PDSS2: variants seen among roughly 807,000 people sequenced by gnomAD.
The protein encoded by PDSS2 is all trans-polyprenyl-diphosphate synthase PDSS2.
A neutral mutation model predicts 44.5 loss-of-function variants in PDSS2; 31 were observed. That is an observed-to-expected ratio of 0.70 (90% CI 0.52 to 0.94). The LOEUF (loss-of-function observed/expected upper bound fraction) is 0.94. PDSS2 is among the 40% of genes least tolerant of loss of function. PDSS2 has a pLI of 0.00. For synonymous variants in PDSS2, 157 were observed against 180.3 expected, an observed-to-expected ratio of 0.87 and a Z score of 1.03; for missense variants, 452 against 482.2, an observed-to-expected ratio of 0.94 and a Z score of 0.59.
chr6:107,172,765 C>CAT (rs1771624773), intron 7 of PDSS2, among the ~76,000 whole-genome samples: 1 of 151,302 alleles, frequency 6.6e-6, no homozygotes, highest in African/African-American at 2.4e-5. Flanking sequence ...CACACACACA[C>CAT]ACATTCTTTT....
intron 3 of PDSS2, among the ~76,000 whole-genome samples, chr6:107,248,418 G>C (rs1418720477): frequency 7.0e-6 from 1 of 142,754 alleles, no homozygotes; most frequent in Admixed American, 7.6e-5. Context: ...CATGGGGCAA[G>C]CAAACACTTT....
intron 3 of PDSS2, among the ~76,000 whole-genome samples, chr6:107,246,565 T>A (rs1446328314): frequency 3.3e-5 from 5 of 152,228 alleles, no homozygotes; most frequent in Non-Finnish European, 7.3e-5. Context: ...TCAGCTTTTA[T>A]CATTCTTGTA....
intron 1 of PDSS2, among the ~76,000 whole-genome samples, chr6:107,447,382 C>T (rs1197586735): frequency 1.3e-5 from 2 of 152,128 alleles, no homozygotes; most frequent in African/African-American, 4.8e-5. Flanking sequence ...ACTACCTAGA[C>T]ACATCTCTCT....
intron 7 of PDSS2, among the ~76,000 whole-genome samples, chr6:107,184,118 T>C (rs758189657): frequency 6.6e-6 from 1 of 152,092 alleles, no homozygotes; most frequent in Non-Finnish European, 1.5e-5. Context: ...AAAGAGCTAA[T>C]GTAAAGTCCC....
chr6:107,360,076 A>T (rs575840326), intron 1 of PDSS2, among the ~76,000 whole-genome samples: 1 of 152,208 alleles, frequency 6.6e-6, no homozygotes, highest in Non-Finnish European at 1.5e-5. Context: ...TGTTCTTGGT[A>T]TATAAATTTT....
chr6:107,271,063 G>A (rs1775582779), intron 3 of PDSS2, among the ~76,000 whole-genome samples: 1 of 152,152 alleles, frequency 6.6e-6, no homozygotes, highest in Non-Finnish European at 1.5e-5. Context: ...TATAAGTTAT[G>A]TTGCAGAGTC....
intron 1 of PDSS2, among the ~76,000 whole-genome samples, chr6:107,421,866 C>T (rs1780835328): frequency 6.7e-6 from 1 of 149,352 alleles, no homozygotes; most frequent in Non-Finnish European, 1.5e-5. Flanking sequence ...GAGTGAAAGC[C>T]AAATAAGGTT....
intron 2 of PDSS2, among the ~76,000 whole-genome samples, chr6:107,318,190 G>A (rs1429291236): frequency 1.3e-5 from 2 of 152,006 alleles, no homozygotes; most frequent in Admixed American, 6.6e-5. Context: ...AAACAGGTGG[G>A]GAGGTTATCA....
chr6:107,293,064 T>C (rs1776398033), intron 2 of PDSS2, among the ~76,000 whole-genome samples: 1 of 152,178 alleles, frequency 6.6e-6, no homozygotes, highest in Non-Finnish European at 1.5e-5. Context: ...ACAGACTTGC[T>C]CTGGGCAGAC....
At chr6:107,441,746 AAC>A (rs1230087901) in intron 1 of PDSS2, among the ~76,000 whole-genome samples, 1 of 152,178 alleles carries the variant, frequency 6.6e-6, no homozygotes, top group Non-Finnish European at 1.5e-5. Context: ...TTTGGCCTGT[AAC>A]ACATTTCACT....
chr6:107,381,029 C>T (rs938993934), intron 1 of PDSS2, among the ~76,000 whole-genome samples: 1 of 152,178 alleles, frequency 6.6e-6, no homozygotes, highest in Non-Finnish European at 1.5e-5. Flanking sequence ...AATCATTAGA[C>T]TGTGTCATCC....
intron 7 of PDSS2, among the ~76,000 whole-genome samples, chr6:107,169,882 G>A (rs1771500475): frequency 6.6e-6 from 1 of 152,150 alleles, no homozygotes; most frequent in African/African-American, 2.4e-5. Flanking sequence ...GTGTCAGTCT[G>A]CCCCTACTGG....
chr6:107,286,076 G>T (rs1254844702), intron 2 of PDSS2, among the ~76,000 whole-genome samples: 1 of 146,028 alleles, frequency 6.8e-6, no homozygotes, highest in Non-Finnish European at 1.5e-5. Context: ...GGAGGCAGAG[G>T]TTGCAGTGAG....
At chr6:107,380,540 A>G (rs539142273) in intron 1 of PDSS2, among the ~76,000 whole-genome samples, 6 of 152,276 alleles carry the variant, frequency 3.9e-5, no homozygotes, top group African/African-American at 1.2e-4. Flanking sequence ...CAGATCTTCA[A>G]CTTTGAAAGG....
At chr6:107,171,222 C>T (rs1161474220) in intron 7 of PDSS2, among the ~76,000 whole-genome samples, 1 of 151,810 alleles carries the variant, frequency 6.6e-6, no homozygotes, top group East Asian at 1.9e-4. Context: ...AGTGCAGTAG[C>T]AAGATCATAG....
At chr6:107,432,521 T>C (rs989970285) in intron 1 of PDSS2, among the ~76,000 whole-genome samples, 5 of 152,210 alleles carry the variant, frequency 3.3e-5, no homozygotes. Flanking sequence ...CCAGGTACGG[T>C]GGCTCATGCC....
chr6:107,213,912 C>T (rs1014373677), intron 4 of PDSS2, among the ~76,000 whole-genome samples: 2 of 152,052 alleles, frequency 1.3e-5, no homozygotes, highest in Admixed American at 6.6e-5. Context: ...TACACATCTA[C>T]CACCTCTAGA....
At chr6:107,458,214 G>C (rs1782110592) in intron 1 of PDSS2, among the ~76,000 whole-genome samples, 1 of 151,056 alleles carries the variant, frequency 6.6e-6, no homozygotes, top group Non-Finnish European at 1.5e-5. Flanking sequence ...GGCCGGGCAC[G>C]GTGGCTCACG....
intron 3 of PDSS2, among the ~76,000 whole-genome samples, chr6:107,257,166 C>G (rs908192002): frequency 6.7e-6 from 1 of 149,780 alleles, no homozygotes; most frequent in African/African-American, 2.5e-5. Context: ...GGTGACAGAG[C>G]GAGACTCTGT....
Sources: gnomAD v4.1 joint callset for allele counts (sites outside exome capture counted in the v4.1 genomes callset) on GRCh38, gnomAD v4.1.1 for gene constraint, MANE v1.5 for transcripts, NCBI Gene and HGNC (gene_info 2026-07-23, HGNC 2026-07-21) for gene names.